The following DST variants were observed in gnomAD, a reference collection of about 807,000 sequenced individuals.
DST encodes the protein dystonin.
Under a neutral mutation model 875.2 loss-of-function variants are expected in DST, and 253 were observed. The ratio of observed to expected loss-of-function variants is 0.29; its 90% CI spans 0.26 to 0.32. The LOEUF is 0.32. Ranked by LOEUF, DST falls within the 10% of genes least tolerant of loss-of-function variation. DST has a pLI of 1.00. For missense variants in DST, 8,287 were observed against 9,111.6 expected (o/e 0.91, Z 3.68); for synonymous variants, 3,124 against 3,197.1 (o/e 0.98, Z 0.77).
intron 7 of DST, among the ~76,000 whole-genome samples, chr6:56,702,188 T>C (rs1385636508): frequency 6.6e-6 from 1 of 152,166 alleles, no homozygotes; most frequent in African/African-American, 2.4e-5. Context: ...ACATATACTT[T>C]ATGACAAATT....
At position 56,504,089 on chromosome 6, in the gene DST, C is replaced by G; in HGVS notation, c.19474G>C (p.Asp6492His). 6.2e-7 allele frequency: 1 copy of G among 1,607,482 alleles called. No individual in the cohort carries two copies. The highest frequency in any genetic ancestry group is 8.5e-7 in the Non-Finnish European group (1 of 1,177,086). Residue 6492 changes from aspartate (D) to histidine (H), a missense_variant, in exon 78 of 104, where the codon GAC becomes CAC. Coordinates refer to ENST00000680361, the MANE Select transcript of DST (RefSeq NM_001374736.1). ...TTACCACCTGCAATATCTACCCAGTCAAATACCGCCTGAAAGACACATTCG... is the reference window on the plus strand; with the variant it reads ...TTACCACCTGCAATATCTACCCAGTGAAATACCGCCTGAAAGACACATTCG... ...QYQDGLQAVFDWVDIAGGKLA... is the reference protein window; with the variant it reads ...QYQDGLQAVFHWVDIAGGKLA...
At chr6:56,868,644 T>C (rs535364036) in intron 3 of DST, among the ~76,000 whole-genome samples, 10 of 152,118 alleles carry the variant, frequency 6.6e-5, no homozygotes, top group African/African-American at 2.4e-4. Flanking sequence ...AAACCAATGA[T>C]AAAATAAATC....
rs2098921479 is a variant in DST, at chr6:56,643,061, A to G, written c.1779-558T>C. 3 of 572,844 alleles carry G rather than the reference A, an allele frequency of 5.2e-6. No homozygotes were observed. The East Asian group carries it at 1.2e-4, about 23-fold the overall frequency. The allele number at this position is 572,844 out of a possible 1,614,324, so 35.5% of individuals were successfully genotyped here. A position where few individuals can be genotyped will look rare whatever the true frequency, so the allele number is the denominator to read the frequency against. Reference sequence around the variant, plus strand: ...AAAACCCTACAAGTATGAACAAAGCAGGCAGATTGGGCGTCACTGGAAAGG... The same window carrying G: ...AAAACCCTACAAGTATGAACAAAGCGGGCAGATTGGGCGTCACTGGAAAGG... On this transcript the variant is annotated intron_variant, in intron 15 of 103. Transcript: ENST00000680361.
chr6:56,463,302 C>T (rs1275948609), intron 101 of DST, 146 bp from the exon 102 acceptor site: 6 of 621,946 alleles, frequency 9.6e-6, no homozygotes, highest in African/African-American at 9.3e-5. Flanking sequence ...GCAAATCATA[C>T]ACACCAAAAA....
At chr6:56,463,193 G>T in intron 101 of DST, 37 bp from the exon 102 acceptor site, 1 of 1,287,820 alleles carries the variant, frequency 7.8e-7, no homozygotes, top group Non-Finnish European at 1.1e-6. Context: ...GAAAAGGATA[G>T]CAGATAAAAA....
intron 2 of DST, among the ~76,000 whole-genome samples, chr6:56,916,778 T>TCTCTCTCTCACA (rs1470233953): frequency 1.1e-4 from 10 of 91,340 alleles, no homozygotes; most frequent in African/African-American, 2.6e-4. Context: ...TCTCTCTCTC[T>TCTCTCTCTCACA]CACACACACA....
chr6:56,867,105 G>A (rs1259660616), intron 3 of DST, among the ~76,000 whole-genome samples: 3 of 152,166 alleles, frequency 2.0e-5, no homozygotes, highest in South Asian at 2.1e-4. Flanking sequence ...GCTAACTGGG[G>A]GGATAACAGA....
chr6:56,811,749 C>G (rs2099760197), intron 4 of DST, among the ~76,000 whole-genome samples: 1 of 152,082 alleles, frequency 6.6e-6, no homozygotes, highest in Admixed American at 6.6e-5. Flanking sequence ...CAAGAGAAAG[C>G]ACTCACTTCT....
At chr6:56,863,079 C>T (rs983388449) in intron 3 of DST, 17 of 152,284 alleles carry the variant, frequency 1.1e-4, no homozygotes, top group African/African-American at 4.1e-4. Flanking sequence ...AGCTCTGGCT[C>T]CTGGAGCTGC....
intron 67 of DST, among the ~76,000 whole-genome samples, chr6:56,528,329 T>C (rs531459018): frequency 2.6e-5 from 4 of 152,198 alleles, no homozygotes; most frequent in Non-Finnish European, 1.5e-5. Flanking sequence ...TATAGTGAAA[T>C]TCCTATGGCC....
intron 88 of DST, 183 bp downstream of exon 88, chr6:56,485,129 C>G: frequency 1.7e-6 from 1 of 597,184 alleles, no homozygotes; most frequent in Admixed American, 3.4e-5. Flanking sequence ...ATAATACTTC[C>G]CCATCACTTT....
At position 56,607,059 on chromosome 6, in the gene DST, A is replaced by T. The variant is rs758709748; in HGVS notation, c.7569T>A (p.Asn2523Lys). 1 of 1,613,218 alleles carries T rather than the reference A, an allele frequency of 6.2e-7. No homozygotes were observed. The highest frequency in any genetic ancestry group is 8.5e-7 in the Non-Finnish European group (1 of 1,179,554). The change falls in exon 40 of 104, where the codon AAT (asparagine) becomes AAA (lysine). Residue 2523 changes from asparagine (N) to lysine (K), a missense_variant. Transcript: ENST00000680361. ...CAGAAGTATTTGAAATGTATTTATC[A>T]TTGTGATATTGTACTTGAGGATTAC... ...ISSNPQVQYH[N>K]DKYISNTSGE...
chr6:56,702,494 G>A (rs2099313613), intron 7 of DST, among the ~76,000 whole-genome samples: 1 of 151,930 alleles, frequency 6.6e-6, no homozygotes, highest in South Asian at 2.1e-4. Context: ...GACAGAGAAG[G>A]TTTACTTAGC....
intron 62 of DST, 135 bp from the exon 63 acceptor site, chr6:56,535,427 C>A (rs2096976637): frequency 1.3e-5 from 14 of 1,068,248 alleles, no homozygotes; most frequent in Non-Finnish European, 1.8e-5. Flanking sequence ...AAAATTTACC[C>A]AAAGTATCGA....
rs373798180 is a variant in DST at position 56,900,478 on chromosome 6, G to T, written c.360C>A (p.Ser120Arg). Reference sequence around the variant, plus strand: ...GATAAAATTCTGGCTGGACTCGGCTGCTCTTCTTGATTCTTCGTTTCCTCA... The same window carrying T: ...GATAAAATTCTGGCTGGACTCGGCTTCTCTTCTTGATTCTTCGTTTCCTCA... ...TSVRKRRIKK[S>R]SRVQPEFYHS... Residue 120 changes from serine to arginine, a missense_variant, in exon 3 of 104, where the codon AGC becomes AGA. Around this residue, in one of 10 missense-constraint regions of DST, gnomAD observed 1,160 missense variants for 1,424.3 expected, o/e 0.81. Coordinates refer to ENST00000680361, the MANE Select transcript of DST (RefSeq NM_001374736.1). 1 of 1,367,604 alleles carries T rather than the reference G, an allele frequency of 7.3e-7. No homozygotes were observed. The highest frequency in any genetic ancestry group is 1.9e-5 in the Admixed American group (1 of 52,574). 84.7% of individuals were successfully genotyped at this position (1,367,604 alleles called of 1,614,324 possible).
intron 4 of DST, among the ~76,000 whole-genome samples, chr6:56,758,780 T>C (rs1443916593): frequency 6.6e-6 from 1 of 151,680 alleles, no homozygotes; most frequent in Admixed American, 6.6e-5. Flanking sequence ...TCAAACTACT[T>C]TGTGGTAATT....
At chr6:56,477,039 G>A (rs535132445) in intron 91 of DST, among the ~76,000 whole-genome samples, 5 of 152,076 alleles carry the variant, frequency 3.3e-5, no homozygotes, top group East Asian at 1.9e-4. Flanking sequence ...ATACTGCTCC[G>A]AAACACCATC....
In DST at chr6:56,561,513, C is replaced by T; in HGVS notation, c.14105G>A (p.Ser4702Asn). 1.2e-6 allele frequency: 2 copies of T among 1,613,662 alleles called. No individual in the cohort carries two copies. The highest frequency in any genetic ancestry group is 1.7e-6 in the Non-Finnish European group (2 of 1,179,690). Reference sequence around the variant, plus strand: ...GAGGCCAAGATCTTCATAACCATGACTTATGTCAGTCATGTCCTTTTTAAT... The same window carrying T: ...GAGGCCAAGATCTTCATAACCATGATTTATGTCAGTCATGTCCTTTTTAAT... ...TSIKKDMTDI[S>N]HGYEDLGLLL... Residue 4702 changes from serine to asparagine, a missense_variant, in exon 57 of 104, where the codon AGT (serine) becomes AAT (asparagine). By Grantham distance (46) the Ser-to-Asn change is conservative. Transcript: ENST00000680361.
At chr6:56,916,936 C>T (rs1039454991) in intron 2 of DST, among the ~76,000 whole-genome samples, 13 of 147,330 alleles carry the variant, frequency 8.8e-5, no homozygotes, top group African/African-American at 3.0e-4. Flanking sequence ...ATTCACTGGG[C>T]CCCCATGAAA....
Sources: gnomAD v4.1 joint callset for allele counts (sites outside exome capture counted in the v4.1 genomes callset) on GRCh38, gnomAD v4.1.1 for gene constraint, gnomAD v4.1.1 regional missense constraint, MANE v1.5 for transcripts, NCBI Gene and HGNC (gene_info 2026-07-23, HGNC 2026-07-21) for gene names.